FSTL5: variants seen among roughly 807,000 people sequenced by gnomAD.
FSTL5 encodes follistatin-related protein 5.
Under a neutral mutation model 89.1 loss-of-function variants are expected in FSTL5, and 62 were observed. The ratio of observed to expected loss-of-function variants is 0.70; its 90% CI spans 0.57 to 0.86. The LOEUF (loss-of-function observed/expected upper bound fraction) is 0.86, where lower values mean the gene tolerates loss of function less well. Among genes scored for constraint, FSTL5 ranks in the 40% least tolerant of loss-of-function variants. FSTL5 has a pLI of 0.00. For synonymous variants in FSTL5, 383 were observed against 346.2 expected (o/e 1.11, Z -1.18); for missense variants, 1,057 against 1,001.6 (o/e 1.06, Z -0.75).
chr4:161,840,990 C>T (rs528493840), intron 4 of FSTL5, among the ~76,000 whole-genome samples: 2 of 152,276 alleles, frequency 1.3e-5, no homozygotes, highest in East Asian at 3.9e-4. Context: ...GGAAGCATTA[C>T]TGAATGTTGG....
At chr4:161,665,524 C>T (rs147281153) in intron 6 of FSTL5, among the ~76,000 whole-genome samples, 2,191 of 152,222 alleles carry the variant, frequency 0.014, 43 homozygotes, top group African/African-American at 0.047. Flanking sequence ...TGAGCCACCG[C>T]GCCCGGCCCA....
chr4:162,032,539 T>C (rs896951489), intron 3 of FSTL5: 10 of 152,168 alleles, frequency 6.6e-5, no homozygotes, highest in African/African-American at 2.2e-4. Context: ...CTAGCAAAAT[T>C]ATTTAAAAAC....
chr4:162,056,084 G>A (rs1168267191), intron 2 of FSTL5, among the ~76,000 whole-genome samples: 2 of 151,902 alleles, frequency 1.3e-5, no homozygotes, highest in East Asian at 1.9e-4. Context: ...AATATTGATA[G>A]TTACCAAATT....
intron 4 of FSTL5, among the ~76,000 whole-genome samples, chr4:161,884,491 G>A (rs887035771): frequency 3.3e-5 from 5 of 152,146 alleles, no homozygotes; most frequent in Admixed American, 2.0e-4. Context: ...ATTTTTTAAA[G>A]AGAAGTAGTA....
chr4:161,491,564 G>A (rs190983636), intron 12 of FSTL5, among the ~76,000 whole-genome samples: 316 of 152,138 alleles, frequency 2.1e-3, no homozygotes, highest in Non-Finnish European at 3.3e-3. Context: ...CAACAGGCTG[G>A]GCATGGTGGC....
At chr4:161,633,587 C>T (rs957497492) in intron 7 of FSTL5, among the ~76,000 whole-genome samples, 2 of 151,958 alleles carry the variant, frequency 1.3e-5, no homozygotes, top group Admixed American at 6.6e-5. Context: ...CCTCGTGATC[C>T]GCCTGCCTCG....
At chr4:161,545,626 T>C (rs768376894) in intron 8 of FSTL5, among the ~76,000 whole-genome samples, 2 of 151,886 alleles carry the variant, frequency 1.3e-5, no homozygotes, top group Non-Finnish European at 2.9e-5. Context: ...GGCTTAGTAT[T>C]GTGGTCCCAC....
chr4:161,531,406 C>A (rs775708227), intron 10 of FSTL5, among the ~76,000 whole-genome samples: 8 of 152,134 alleles, frequency 5.3e-5, no homozygotes, highest in Admixed American at 2.6e-4. Flanking sequence ...AAGCTGTATC[C>A]AGACAAAGTG....
intron 15 of FSTL5, among the ~76,000 whole-genome samples, chr4:161,446,390 C>T (rs1203691340): frequency 1.3e-5 from 2 of 151,834 alleles, no homozygotes; most frequent in Non-Finnish European, 2.9e-5. Context: ...TTTGTTAAGC[C>T]ACAGTAGAAT....
chr4:161,511,359 T>A (rs912487447), intron 10 of FSTL5, among the ~76,000 whole-genome samples: 3 of 152,170 alleles, frequency 2.0e-5, no homozygotes, highest in African/African-American at 7.2e-5. Context: ...CAGCATCTGC[T>A]ATATTTCTTT....
intron 2 of FSTL5, among the ~76,000 whole-genome samples, chr4:162,065,360 A>T (rs12649415): frequency 0.044 from 6,766 of 152,078 alleles, 208 homozygotes; most frequent in East Asian, 0.11. Context: ...ATAGCAAAAA[A>T]GAACCCCCAA....
At chr4:161,629,597 G>A (rs1039781294) in intron 7 of FSTL5, among the ~76,000 whole-genome samples, 2 of 151,990 alleles carry the variant, frequency 1.3e-5, no homozygotes, top group Admixed American at 6.6e-5. Context: ...CACCCGCCTC[G>A]GCCTCTGAAA....
chr4:161,639,668 G>T (rs982445656), intron 7 of FSTL5, among the ~76,000 whole-genome samples: 2 of 152,076 alleles, frequency 1.3e-5, no homozygotes, highest in African/African-American at 4.8e-5. Flanking sequence ...AATTTGAGAT[G>T]AATTTCAGTC....
At chr4:161,700,550 A>G (rs1738352369) in intron 6 of FSTL5, among the ~76,000 whole-genome samples, 1 of 151,542 alleles carries the variant, frequency 6.6e-6, no homozygotes, top group Admixed American at 6.6e-5. Flanking sequence ...TAATTTTTGT[A>G]TATTTGGTAG....
intron 9 of FSTL5, among the ~76,000 whole-genome samples, chr4:161,539,425 G>C (rs1731744150): frequency 1.3e-5 from 2 of 152,150 alleles, no homozygotes; most frequent in South Asian, 4.1e-4. Flanking sequence ...GGATGTGGAT[G>C]TTTGAGAGAC....
chr4:161,458,884 T>G (rs1733459358), intron 14 of FSTL5, among the ~76,000 whole-genome samples: 1 of 152,252 alleles, frequency 6.6e-6, no homozygotes, highest in Non-Finnish European at 1.5e-5. Flanking sequence ...TGCTGTCGAA[T>G]TCTCTTTGTC....
chr4:161,633,123 T>C (rs1735556109), intron 7 of FSTL5, among the ~76,000 whole-genome samples: 1 of 151,810 alleles, frequency 6.6e-6, no homozygotes. Context: ...TAGGTGCATA[T>C]CTCTTTTAGG....
In FSTL5 at chr4:161,562,444, A is replaced by G. The variant is rs1294010148; in HGVS notation, c.1016-19751T>C. Among the ~76,000 whole-genome samples the G allele has an allele frequency of 5.9e-5, 9 of 151,968 alleles. No individual in the cohort carries two copies. The South Asian group carries it at 1.2e-3, about 21-fold the overall frequency. ...GCCATCTTAATAAAATTAAGTATTG[A>G]AATTTATCAACATAGTATGTTTTTC... On this transcript the variant is annotated intron_variant, in intron 8 of 15. Coordinates refer to ENST00000306100, the MANE Select transcript of FSTL5 (RefSeq NM_020116.5).
chr4:162,154,305 A>C (rs2110742851), intron 1 of FSTL5, among the ~76,000 whole-genome samples: 1 of 152,284 alleles, frequency 6.6e-6, no homozygotes, highest in South Asian at 2.1e-4. Context: ...ATAATTTACT[A>C]ATCTTTAGAC....
Sources: allele counts gnomAD v4.1 joint callset (sites outside exome capture counted in the v4.1 genomes callset), GRCh38; gene constraint gnomAD v4.1.1; transcripts MANE v1.5; gene names NCBI Gene and HGNC (gene_info 2026-07-23, HGNC 2026-07-21).